The following CUX2 variants were observed in gnomAD, a reference collection of about 807,000 sequenced individuals.
The protein encoded by CUX2 is cut like homeobox 2, also known as homeobox protein cut-like 2.
CUX2 carries 40 observed loss-of-function variants against 144.8 expected under a neutral mutation model. The ratio of observed to expected loss-of-function variants is 0.28; its 90% CI spans 0.21 to 0.36. The LOEUF is 0.36. Ranked by LOEUF, CUX2 falls within the 10% of genes least tolerant of loss-of-function variation. The pLI is 1.00. For synonymous variants in CUX2, 827 were observed against 875.6 expected, an observed-to-expected ratio of 0.94 and a Z score of 0.98; for missense variants, 1,615 against 1,994.0, an observed-to-expected ratio of 0.81 and a Z score of 3.62.
chr12:111,077,628 T>G lies in CUX2; in HGVS notation c.63+43388T>G, dbSNP rs1165090868. Among the ~76,000 whole-genome samples, 1 of 152,226 alleles carries G rather than the reference T, an allele frequency of 6.6e-6. No individual in the cohort carries two copies. Among genetic ancestry groups the G allele is most frequent in the Non-Finnish European group, 1.5e-5 (1 of 68,038 alleles). Reference sequence around the variant, plus strand: ...TTAGATTTTGAAATGGATCAATTTTTAATCAGCCAAACACCTGACTCACTC... The same window carrying G: ...TTAGATTTTGAAATGGATCAATTTTGAATCAGCCAAACACCTGACTCACTC... On this transcript the variant is annotated intron_variant, in intron 1 of 21. Transcript: ENST00000261726. The surrounding 1 kb of genome is among the most constrained non-coding windows in gnomAD (Gnocchi z 4.1).
At chr12:111,250,263 T>G (rs1433022893) in intron 3 of CUX2, among the ~76,000 whole-genome samples, 1 of 151,822 alleles carries the variant, frequency 6.6e-6, no homozygotes, top group Non-Finnish European at 1.5e-5. Context: ...GGTGTGGGGG[T>G]GGGGGTGTCA....
intron 14 of CUX2, among the ~76,000 whole-genome samples, chr12:111,309,511 G>T (rs1007046880): frequency 6.6e-6 from 1 of 152,162 alleles, no homozygotes; most frequent in Non-Finnish European, 1.5e-5. Flanking sequence ...GAGAATGGAG[G>T]GGGTAGGGCA....
Position 111,048,551 on chromosome 12 carries a change from G to A in CUX2, c.63+14311G>A, listed in dbSNP as rs961213398. ...GGCAGGCATGCAGTGGGCAAGGGGCGCCTTCTCTCCTGGACATAGAGCTGG... is the reference window on the plus strand; with the variant it reads ...GGCAGGCATGCAGTGGGCAAGGGGCACCTTCTCTCCTGGACATAGAGCTGG... On this transcript the variant is annotated intron_variant, in intron 1 of 21. Coordinates refer to ENST00000261726, the MANE Select transcript of CUX2 (RefSeq NM_015267.4). Among the ~76,000 whole-genome samples, 7 of 152,136 alleles carry A rather than the reference G, an allele frequency of 4.6e-5. No homozygotes were observed. The East Asian group carries it at 9.6e-4, about 21-fold the overall frequency.
In CUX2 at chr12:111,307,032, C is replaced by G; in HGVS notation, c.970C>G (p.Leu324Val). Residue 324 changes from leucine to valine, a missense_variant, in exon 11 of 22, where the codon CTG becomes GTG. Transcript: ENST00000261726. This position sits in a 1 kb window ranked among gnomAD's most constrained non-coding sequence, Gnocchi z 4.1. Reference sequence around the variant, plus strand: ...GGACGTGCAGCACCTCCAGAGCTCACTGCAGGAGCTGGAGGAGGCATCCGC... The same window carrying G: ...GGACGTGCAGCACCTCCAGAGCTCAGTGCAGGAGCTGGAGGAGGCATCCGC... ...LKDVQHLQSS[L>V]QELEEASANQ... The G allele has an allele frequency of 6.2e-7, 1 of 1,613,888 alleles. No individual in the cohort carries two copies. Among genetic ancestry groups the G allele is most frequent in the South Asian group, 1.1e-5 (1 of 91,086 alleles).
rs1423228674 is a variant in CUX2 at position 111,307,285 on chromosome 12, C to A, written c.1109+28C>A. ...ACCATGTGGGGTGGGGCTCCACAGA[C>A]CCTCAGTGCTCTTCCCTGGCCAGGA... On this transcript the variant is annotated intron_variant, in intron 12 of 21. Transcript: ENST00000261726. This position sits in a 1 kb window ranked among gnomAD's most constrained non-coding sequence, Gnocchi z 4.1. 2 of 1,601,396 alleles carry A rather than the reference C, an allele frequency of 1.2e-6. No individual in the cohort carries two copies. Among genetic ancestry groups the A allele is most frequent in the Admixed American group, 1.7e-5 (1 of 59,940 alleles).
chr12:111,189,533 C>G (rs1041488847), intron 1 of CUX2, among the ~76,000 whole-genome samples: 4 of 152,200 alleles, frequency 2.6e-5, no homozygotes, highest in Non-Finnish European at 5.9e-5. Flanking sequence ...GATTCATGCT[C>G]GTGGCCACAC....
At chr12:111,165,268 C>T (rs992934479) in intron 1 of CUX2, among the ~76,000 whole-genome samples, 18 of 152,050 alleles carry the variant, frequency 1.2e-4, no homozygotes, top group African/African-American at 4.1e-4. Flanking sequence ...CATCTTTCTG[C>T]CCCCTGAGAA....
At chr12:111,140,618 G>A (rs1876251057) in intron 1 of CUX2, among the ~76,000 whole-genome samples, 1 of 152,208 alleles carries the variant, frequency 6.6e-6, no homozygotes, top group African/African-American at 2.4e-5. Flanking sequence ...GAAAAAAGCA[G>A]CAGCTAAATA....
intron 1 of CUX2, among the ~76,000 whole-genome samples, chr12:111,090,255 C>G (rs1872481423): frequency 6.6e-6 from 1 of 152,174 alleles, no homozygotes; most frequent in African/African-American, 2.4e-5. Flanking sequence ...TCTGGGCTGG[C>G]CCGAAAGGGG....
Position 111,305,460 on chromosome 12 carries a change from A to ACTGACTGTATTCTTAAC in CUX2, c.858+1155_858+1171dup, listed in dbSNP as rs1886528599. On this transcript the variant is annotated intron_variant, in intron 10 of 21. Transcript: ENST00000261726. ...TGTCTCTACTTGTGACCTTTGGGCA[A>ACTGACTGTATTCTTAAC]CTGACTGTATTCTTAACCTGACTGT... Among the ~76,000 whole-genome samples, 9 of 152,288 alleles carry ACTGACTGTATTCTTAAC rather than the reference A, an allele frequency of 5.9e-5. No individual in the cohort carries two copies. The South Asian group carries it at 1.9e-3, about 32-fold the overall frequency.
chr12:111,062,688 G>A (rs1469393540), intron 1 of CUX2, among the ~76,000 whole-genome samples: 2 of 152,216 alleles, frequency 1.3e-5, no homozygotes, highest in Non-Finnish European at 2.9e-5. Flanking sequence ...ATTTGAAGTT[G>A]CAAGCCCAGC....
At chr12:111,187,928 C>T (rs910896840) in intron 1 of CUX2, among the ~76,000 whole-genome samples, 5 of 152,208 alleles carry the variant, frequency 3.3e-5, no homozygotes, top group Non-Finnish European at 5.9e-5. Flanking sequence ...GCACCCTGCA[C>T]CCCAGAGCCA....
Position 111,320,430 on chromosome 12 carries a change from G to C in CUX2, c.2421G>C (p.Leu807=). The change falls in exon 17 of 22, where the codon CTG becomes CTC. Residue 807 remains leucine, a synonymous_variant. Transcript: ENST00000261726. This position sits in a 1 kb window ranked among gnomAD's most constrained non-coding sequence, Gnocchi z 8.1. The part of the protein sequence containing the change: ...SRPYASVSPS[L]SSSSSSGYSG... Reference sequence around the variant, plus strand: ...CCTACGCCTCCGTGTCGCCCTCGCTGTCCTCCTCCTCCTCCTCTGGCTACT... The same window carrying C: ...CCTACGCCTCCGTGTCGCCCTCGCTCTCCTCCTCCTCCTCCTCTGGCTACT... The C allele has an allele frequency of 6.3e-7, 1 of 1,596,654 alleles. No individual in the cohort carries two copies. Among genetic ancestry groups the C allele is most frequent in the Non-Finnish European group, 8.5e-7 (1 of 1,178,264 alleles).
rs1592922894 is a variant in CUX2, at chr12:111,289,643, C to T, written c.302-1775C>T. On this transcript the variant is annotated intron_variant, in intron 4 of 21. Transcript: ENST00000261726. This position sits in a 1 kb window ranked among gnomAD's most constrained non-coding sequence, Gnocchi z 4.1. Reference sequence around the variant, plus strand: ...GGTGTAAAGGGCTGGGAGAGGGAACCGAATTCCAGGCAGAAGGACCTGCAC... The same window carrying T: ...GGTGTAAAGGGCTGGGAGAGGGAACTGAATTCCAGGCAGAAGGACCTGCAC... 2.0e-5 allele frequency among the ~76,000 whole-genome samples: 3 copies of T among 151,956 alleles called. No individual in the cohort carries two copies. The highest frequency in any genetic ancestry group is 4.2e-4 in the South Asian group (2 of 4,812).
At chr12:111,044,059 G>A (rs16941209) in intron 1 of CUX2, among the ~76,000 whole-genome samples, 4,373 of 152,222 alleles carry the variant, frequency 0.029, 192 homozygotes, top group African/African-American at 0.099. Context: ...AGGAGCTTCC[G>A]TCAACCAAAC....
intron 20 of CUX2, among the ~76,000 whole-genome samples, chr12:111,339,096 G>T (rs911156952): frequency 6.6e-6 from 1 of 151,934 alleles, no homozygotes; most frequent in Non-Finnish European, 1.5e-5. Context: ...GCTGGGCATG[G>T]TGGTGCACAC....
Position 111,160,351 on chromosome 12 carries a change from G to A in CUX2, c.64-53849G>A, listed in dbSNP as rs898460400. On this transcript the variant is annotated intron_variant, in intron 1 of 21. Transcript: ENST00000261726. This position sits in a 1 kb window ranked among gnomAD's most constrained non-coding sequence, Gnocchi z 4.1. ...TGTGTCTGGCCTGTGTGTGCAGGGT[G>A]CGTGTCAGAGTGTGTATGGGCAAGC... Among the ~76,000 whole-genome samples, 3 of 152,172 alleles carry A rather than the reference G, an allele frequency of 2.0e-5. No homozygotes were observed. Among genetic ancestry groups the A allele is most frequent in the African/African-American group, 4.8e-5 (2 of 41,442 alleles).
At chr12:111,084,050 G>T (rs1872053640) in intron 1 of CUX2, among the ~76,000 whole-genome samples, 1 of 152,168 alleles carries the variant, frequency 6.6e-6, no homozygotes, top group East Asian at 1.9e-4. Flanking sequence ...ATGAGTAGAA[G>T]TGTACATGGG....
intron 1 of CUX2, among the ~76,000 whole-genome samples, chr12:111,083,257 A>G (rs55905774): frequency 0.097 from 14,753 of 152,086 alleles, 2,369 homozygotes; most frequent in African/African-American, 0.34. Flanking sequence ...CATTGAGGTC[A>G]CCCAGAACTG....
Sources: gnomAD v4.1 joint callset for allele counts (sites outside exome capture counted in the v4.1 genomes callset) on GRCh38, gnomAD v4.1.1 for gene constraint, Gnocchi (gnomAD v3.1) non-coding constraint, MANE v1.5 for transcripts, NCBI Gene and HGNC (gene_info 2026-07-23, HGNC 2026-07-21) for gene names.